Variants in CFAP20DC observed in about 807,000 individuals in gnomAD.
CFAP20DC encodes the protein CFAP20 domain containing.
Under a neutral mutation model 101.7 loss-of-function variants are expected in CFAP20DC, and 84 were observed. The observed-to-expected ratio is 0.83, with a 90% CI of 0.69 to 0.99. The LOEUF (loss-of-function observed/expected upper bound fraction) is 0.99. CFAP20DC is among the 50% of genes least tolerant of loss of function. The pLI is 0.00. For missense variants in CFAP20DC, 1,007 were observed against 970.3 expected (o/e 1.04, Z -0.50); for synonymous variants, 359 against 351.2 (o/e 1.02, Z -0.25).
chr3:58,958,107 C>T (rs1174824001), intron 4 of CFAP20DC, among the ~76,000 whole-genome samples: 2 of 151,906 alleles, frequency 1.3e-5, no homozygotes, highest in Non-Finnish European at 2.9e-5. Flanking sequence ...CTCAGGTACA[C>T]CATAAATATA....
chr3:58,866,897 C>T (rs985498221), intron 10 of CFAP20DC, among the ~76,000 whole-genome samples: 1 of 151,626 alleles, frequency 6.6e-6, no homozygotes, highest in Non-Finnish European at 1.5e-5. Flanking sequence ...TTCTTTGATA[C>T]TTACACAGGG....
At chr3:59,048,702 G>C (rs1189426659) in intron 1 of CFAP20DC, among the ~76,000 whole-genome samples, 1 of 152,186 alleles carries the variant, frequency 6.6e-6, no homozygotes, top group Non-Finnish European at 1.5e-5. Context: ...AGTAGTGTTA[G>C]GTGAATGAAA....
chr3:59,026,480 C>A (rs2109038426), intron 4 of CFAP20DC, among the ~76,000 whole-genome samples: 1 of 152,126 alleles, frequency 6.6e-6, no homozygotes, highest in East Asian at 1.9e-4. Flanking sequence ...AATGAATGAC[C>A]AAAAAGATAA....
At chr3:58,858,624 A>T (rs1229963771) in intron 12 of CFAP20DC, among the ~76,000 whole-genome samples, 1 of 152,348 alleles carries the variant, frequency 6.6e-6, no homozygotes, top group South Asian at 2.1e-4. Context: ...TCATATTTCA[A>T]TGGAGTTTTA....
chr3:58,995,560 A>G (rs1463791491), intron 4 of CFAP20DC, among the ~76,000 whole-genome samples: 4 of 75,058 alleles, frequency 5.3e-5, no homozygotes, highest in Non-Finnish European at 8.1e-5. Context: ...GTGAAGATCA[A>G]TTTTTTTTCA....
chr3:58,812,728 A>G (rs1023316489), intron 14 of CFAP20DC, among the ~76,000 whole-genome samples: 4 of 151,952 alleles, frequency 2.6e-5, no homozygotes, highest in South Asian at 2.1e-4. Context: ...AAATAAAAAA[A>G]GAAAAGAAGG....
At chr3:58,791,983 T>C (rs1198577921) in intron 15 of CFAP20DC, among the ~76,000 whole-genome samples, 3 of 152,192 alleles carry the variant, frequency 2.0e-5, no homozygotes, top group Non-Finnish European at 4.4e-5. Flanking sequence ...AACCATGTAC[T>C]TGGAATCTGG....
chr3:58,896,950 T>G (rs2082715972), intron 6 of CFAP20DC, among the ~76,000 whole-genome samples: 1 of 152,204 alleles, frequency 6.6e-6, no homozygotes, highest in African/African-American at 2.4e-5. Flanking sequence ...GTGAATTTTT[T>G]GCTTTGATGA....
intron 15 of CFAP20DC, among the ~76,000 whole-genome samples, chr3:58,769,267 T>C (rs1464118104): frequency 6.6e-6 from 1 of 152,140 alleles, no homozygotes; most frequent in Non-Finnish European, 1.5e-5. Context: ...GACAAGGAAG[T>C]CCATTGATGT....
At chr3:58,988,744 C>T (rs1173364273) in intron 4 of CFAP20DC, among the ~76,000 whole-genome samples, 1 of 152,086 alleles carries the variant, frequency 6.6e-6, no homozygotes. Context: ...AATATGTAGC[C>T]ATTATTACTT....
chr3:58,730,429 T>C (rs571213831), intron 3 of CFAP20DC, among the ~76,000 whole-genome samples: 1 of 152,320 alleles, frequency 6.6e-6, no homozygotes, highest in South Asian at 2.1e-4. Flanking sequence ...GATGAGTTAG[T>C]AGGCTGTTCA....
chr3:58,834,663 C>T (rs755461873), intron 13 of CFAP20DC, among the ~76,000 whole-genome samples: 1 of 152,056 alleles, frequency 6.6e-6, no homozygotes, highest in African/African-American at 2.4e-5. Flanking sequence ...TATGCATCAA[C>T]TTCTTCATCA....
intron 16 of CFAP20DC, among the ~76,000 whole-genome samples, chr3:58,749,763 G>A (rs1412320136): frequency 1.3e-5 from 2 of 152,152 alleles, no homozygotes; most frequent in Non-Finnish European, 2.9e-5. Flanking sequence ...GGTCATAACT[G>A]TAAAGGAACA....
chr3:58,809,819 G>C (rs113570133), intron 14 of CFAP20DC, among the ~76,000 whole-genome samples: 15,057 of 151,584 alleles, frequency 0.099, 1,290 homozygotes, highest in East Asian at 0.35. Flanking sequence ...GACTAATAAA[G>C]AAAAAAAGAG....
chr3:58,807,304 G>A (rs542467012), intron 14 of CFAP20DC, among the ~76,000 whole-genome samples: 2 of 152,166 alleles, frequency 1.3e-5, no homozygotes, highest in African/African-American at 4.8e-5. Context: ...CAGCCTAACT[G>A]GGAGGCACCC....
intron 14 of CFAP20DC, 145 bp downstream of exon 14, chr3:58,831,541 C>T (rs543167810): frequency 4.3e-5 from 28 of 649,996 alleles, no homozygotes; most frequent in African/African-American, 7.3e-5. Flanking sequence ...CTTTCTCAAA[C>T]ACTATTTCAG....
chr3:58,845,372 A>T (rs955674576), intron 13 of CFAP20DC, among the ~76,000 whole-genome samples: 1 of 152,162 alleles, frequency 6.6e-6, no homozygotes, highest in African/African-American at 2.4e-5. Flanking sequence ...CCATCAGGGA[A>T]TACTACAAAC....
chr3:59,007,932 TGG>T lies in CFAP20DC; in HGVS notation c.278+31623_278+31624del, dbSNP rs2093476922. 6.6e-6 allele frequency among the ~76,000 whole-genome samples: 1 copy of T among 152,138 alleles called. No homozygotes were observed. Among genetic ancestry groups the T allele is most frequent in the African/African-American group, 2.4e-5 (1 of 41,450 alleles). ...TCATAGCAGAGAAACAATTGCAATG[TGG>T]GGAGCAATAGGGAAAATCTGCACCT... On this transcript the variant is annotated intron_variant, in intron 4 of 16. Transcript: ENST00000482387. This position sits in a 1 kb window ranked among gnomAD's most constrained non-coding sequence, Gnocchi z 4.4.
At chr3:58,769,958 C>T (rs578196314) in intron 15 of CFAP20DC, among the ~76,000 whole-genome samples, 1 of 152,286 alleles carries the variant, frequency 6.6e-6, no homozygotes, top group South Asian at 2.1e-4. Flanking sequence ...ATCCAGTTTC[C>T]CACAAGTGCT....
Sources: allele counts gnomAD v4.1 joint callset (sites outside exome capture counted in the v4.1 genomes callset), GRCh38; gene constraint gnomAD v4.1.1; non-coding constraint Gnocchi (gnomAD v3.1); transcripts MANE v1.5; gene names NCBI Gene and HGNC (gene_info 2026-07-23, HGNC 2026-07-21).